Variants in DMAC2L observed in about 807,000 individuals in gnomAD.
The protein encoded by DMAC2L is distal membrane arm assembly component 2 like.
Under a neutral mutation model 22.5 loss-of-function variants are expected in DMAC2L, and 21 were observed. The observed-to-expected ratio is 0.93, with a 90% CI of 0.66 to 1.34. The LOEUF is 1.34. Ranked by LOEUF, DMAC2L falls within the 40% of genes most tolerant of loss-of-function variation. The pLI, the probability that DMAC2L is intolerant of heterozygous loss-of-function variation, is 0.00. For synonymous variants in DMAC2L, 86 were observed against 89.5 expected, an observed-to-expected ratio of 0.96 and a Z score of 0.22; for missense variants, 239 against 246.5, an observed-to-expected ratio of 0.97 and a Z score of 0.20.
rs1017877790 is a variant in DMAC2L, at chr14:50,312,355, G to A, written c.-76G>A. On this transcript the variant is annotated 5_prime_UTR_variant, in exon 1 of 6. Coordinates refer to ENST00000557421, the MANE Select transcript of DMAC2L (RefSeq NM_001382507.1). ...GCCAGGGTGCCGCAGACGCGGGGAC[G>A]CTGGCTCGCTCCCTCCCTCCCTCCC... 7 of 667,002 alleles carry A rather than the reference G, an allele frequency of 1.0e-5. No homozygotes were observed. The highest frequency in any genetic ancestry group is 8.3e-5 in the East Asian group (3 of 36,084). The allele number at this position is 667,002 out of a possible 1,614,324, so 41.3% of individuals were successfully genotyped here. A position where few individuals can be genotyped will look rare whatever the true frequency, so the allele number is the denominator to read the frequency against.
Position 50,322,587 on chromosome 14 carries a change from G to T in DMAC2L, c.184G>T (p.Val62Leu), listed in dbSNP as rs752191927. Residue 62 changes from valine (V) to leucine (L), a missense_variant, in exon 4 of 6, where the codon GTG (valine) becomes TTG (leucine). Coordinates refer to ENST00000557421, the MANE Select transcript of DMAC2L (RefSeq NM_001382507.1). ...SEWLLRCGAM[V>L]RYHGQERWQK... ...GTGGTTGCTGCGCTGTGGGGCCATG[G>T]TGCGCTACCATGGCCAGGAGAGGTG... The T allele has an allele frequency of 7.4e-6, 12 of 1,614,056 alleles. No individual in the cohort carries two copies. In the East Asian group the frequency reaches 2.0e-4, roughly 27 times the overall value.
chr14:50,321,597 A>G lies in DMAC2L; in HGVS notation c.107+3A>G. ...TGGTTGAATGCAGTGTTTAATAAGT[A>G]AGTTACTCTAAATAAAGTGAAGAAA... On this transcript the variant is annotated splice_donor_region_variant and intron_variant, in intron 3 of 5. Coordinates refer to ENST00000557421, the MANE Select transcript of DMAC2L (RefSeq NM_001382507.1). The G allele has an allele frequency of 6.3e-7, 1 of 1,597,144 alleles. No individual in the cohort carries two copies. The highest frequency in any genetic ancestry group is 8.6e-7 in the Non-Finnish European group (1 of 1,164,922).
intron 1 of DMAC2L, 91 bp downstream of exon 1, chr14:50,312,480 A>C: frequency 2.4e-6 from 1 of 422,092 alleles, no homozygotes; most frequent in Non-Finnish European, 4.3e-6. Flanking sequence ...GCTGACTGAA[A>C]ACCTGGCCCT....
chr14:50,320,394 C>A (rs2032169692), intron 2 of DMAC2L, among the ~76,000 whole-genome samples: 1 of 152,158 alleles, frequency 6.6e-6, no homozygotes, highest in Non-Finnish European at 1.5e-5. Flanking sequence ...TGTTCAGAAA[C>A]CTCGGTGACT....
chr14:50,325,536 C>T, intron 5 of DMAC2L, 73 bp from the exon 6 acceptor site: 4 of 1,485,726 alleles, frequency 2.7e-6, no homozygotes, highest in Non-Finnish European at 3.7e-6. Flanking sequence ...AATTTTCTTT[C>T]TTTAAGTCAG....
intron 2 of DMAC2L, among the ~76,000 whole-genome samples, chr14:50,317,936 C>T (rs926894216): frequency 3.9e-5 from 6 of 152,058 alleles, no homozygotes; most frequent in Admixed American, 1.3e-4. Flanking sequence ...GCCAATTTTG[C>T]GGAGGATTTT....
Position 50,321,047 on chromosome 14 carries a change from A to C in DMAC2L, c.-5-436A>C, listed in dbSNP as rs900812657. Among the ~76,000 whole-genome samples the C allele has an allele frequency of 5.9e-5, 9 of 152,190 alleles. No individual in the cohort carries two copies. The South Asian group carries it at 6.2e-4, about 11-fold the overall frequency. Reference sequence around the variant, plus strand: ...CCTTGTCATAGGTAGATCTATTTTCATGTCTCCTCTTCTTTCCTGGATGCA... The same window carrying C: ...CCTTGTCATAGGTAGATCTATTTTCCTGTCTCCTCTTCTTTCCTGGATGCA... On this transcript the variant is annotated intron_variant, in intron 2 of 5. Coordinates refer to ENST00000557421, the MANE Select transcript of DMAC2L (RefSeq NM_001382507.1).
In DMAC2L at chr14:50,316,105, C is replaced by T. The variant is rs187047705; in HGVS notation, c.-6+1479C>T. ...AATTTTTTGATTATGGCCATTCTTG[C>T]GGGGAGTAAGGTGGTATCACATTGT... On this transcript the variant is annotated intron_variant, in intron 2 of 5. Coordinates refer to ENST00000557421, the MANE Select transcript of DMAC2L (RefSeq NM_001382507.1). 3.0e-4 allele frequency among the ~76,000 whole-genome samples: 46 copies of T among 151,314 alleles called. 1 individual carries two copies. The highest frequency in any genetic ancestry group is 2.4e-3 in the Admixed American group (36 of 15,162).
intron 1 of DMAC2L, among the ~76,000 whole-genome samples, chr14:50,313,351 G>A (rs1008030523): frequency 2.0e-5 from 3 of 152,148 alleles, no homozygotes; most frequent in Non-Finnish European, 4.4e-5. Flanking sequence ...CCTCCTCAGT[G>A]AACTAGGAAT....
intron 3 of DMAC2L, 94 bp from the exon 4 acceptor site, chr14:50,322,417 A>G: frequency 7.8e-7 from 1 of 1,289,436 alleles, no homozygotes; most frequent in South Asian, 1.8e-5. Flanking sequence ...TGAAATGAAA[A>G]TTTGTTGCGT....
intron 1 of DMAC2L, chr14:50,312,876 G>C: frequency 1.3e-6 from 1 of 794,486 alleles, no homozygotes; most frequent in East Asian, 2.5e-5. Flanking sequence ...TATTCATTCA[G>C]TCATTGATTC....
rs2032371118 is a variant in DMAC2L, at chr14:50,322,603, A to G, written c.200A>G (p.Gln67Arg). The G allele has an allele frequency of 6.2e-7, 1 of 1,614,206 alleles. No homozygotes were observed. The highest frequency in any genetic ancestry group is 1.3e-5 in the African/African-American group (1 of 75,056). The change falls in exon 4 of 6, where the codon CAG (glutamine) becomes CGG (arginine). Residue 67 changes from glutamine to arginine, a missense_variant. Physicochemically the swap from Gln to Arg is conservative, Grantham distance 43 (BLOSUM62 1). Coordinates refer to ENST00000557421, the MANE Select transcript of DMAC2L (RefSeq NM_001382507.1). ...RCGAMVRYHG[Q>R]ERWQKDYNHL... ...GGGGCCATGGTGCGCTACCATGGCC[A>G]GGAGAGGTGGCAGAAGGACTACAAC...
At position 50,326,866 on chromosome 14, in the gene DMAC2L, C is replaced by T; in HGVS notation, c.*1143C>T. The T allele has an allele frequency of 1.8e-6, 1 of 565,238 alleles. No homozygotes were observed. Among genetic ancestry groups the T allele is most frequent in the Non-Finnish European group, 2.2e-6 (1 of 446,750 alleles). 35.0% of individuals were successfully genotyped at this position (565,238 alleles called of 1,614,324 possible). A position where few individuals can be genotyped will look rare whatever the true frequency, so the allele number is the denominator to read the frequency against. ...GACCAATTTGGGCAACACAGTGAGA[C>T]CCCATCTCTAAAAAAATTTTAAAAA... On this transcript the variant is annotated 3_prime_UTR_variant, in exon 6 of 6. Transcript: ENST00000557421.
chr14:50,324,479 C>A, intron 5 of DMAC2L: 1 of 155,172 alleles, frequency 6.4e-6, no homozygotes, highest in Non-Finnish European at 1.4e-5. Flanking sequence ...TACCTATTAG[C>A]ATTTTACTGT....
chr14:50,312,940 A>G, intron 1 of DMAC2L: 2 of 1,559,484 alleles, frequency 1.3e-6, no homozygotes, highest in South Asian at 1.1e-5. Context: ...TGGGTACCGG[A>G]AGAACCAGAC....
At chr14:50,314,423 C>G (rs2031579687) in intron 1 of DMAC2L, among the ~76,000 whole-genome samples, 168 bp from the exon 2 acceptor site, 2 of 152,194 alleles carry the variant, frequency 1.3e-5, no homozygotes, top group Admixed American at 1.3e-4. Context: ...TCTTCTCGGT[C>G]TCGGGTATGT....
At position 50,312,353 on chromosome 14, in the gene DMAC2L, A is replaced by T. The variant is rs1009028371; in HGVS notation, c.-78A>T. 15 of 680,828 alleles carry T rather than the reference A, an allele frequency of 2.2e-5. No individual in the cohort carries two copies. Among genetic ancestry groups the T allele is most frequent in the African/African-American group, 1.3e-4 (7 of 55,498 alleles). The allele number at this position is 680,828 out of a possible 1,614,324, so 42.2% of individuals were successfully genotyped here. ...CGGCCAGGGTGCCGCAGACGCGGGG[A>T]CGCTGGCTCGCTCCCTCCCTCCCTC... On this transcript the variant is annotated 5_prime_UTR_variant, in exon 1 of 6. Transcript: ENST00000557421.
intron 1 of DMAC2L, 160 bp downstream of exon 1, chr14:50,312,549 C>T (rs2031323277): frequency 3.2e-6 from 1 of 314,868 alleles, no homozygotes; most frequent in East Asian, 8.3e-5. Flanking sequence ...GGGAGAAACT[C>T]TGGGCGGGAT....
Position 50,312,998 on chromosome 14 carries a change from A to G in DMAC2L, c.-42+609A>G, listed in dbSNP as rs201035813. 7.4e-6 allele frequency: 12 copies of G among 1,614,140 alleles called. No homozygotes were observed. The East Asian group carries it at 2.7e-4, about 36-fold the overall frequency. ...ATAAGTCTGTGTCCTTTTCTTGAGT[A>G]CTGAACCGAGATACAGTTTTAAATG... On this transcript the variant is annotated intron_variant, in intron 1 of 5. Transcript: ENST00000557421.
Sources: allele counts gnomAD v4.1 joint callset (sites outside exome capture counted in the v4.1 genomes callset), GRCh38; gene constraint gnomAD v4.1.1; transcripts MANE v1.5; gene names NCBI Gene and HGNC (gene_info 2026-07-23, HGNC 2026-07-21).